The following ZNF618 variants were observed in gnomAD, a reference collection of about 807,000 sequenced individuals.
ZNF618 encodes the protein neural precursor cell expressed, developmentally down-regulated 10.
Under a neutral mutation model 103.0 loss-of-function variants are expected in ZNF618, and 34 were observed. The observed-to-expected ratio is 0.33, with a 90% confidence interval of 0.25 to 0.44. ZNF618 has a LOEUF of 0.44. Among genes scored for constraint, ZNF618 ranks in the 20% least tolerant of loss-of-function variants. The pLI, the probability that ZNF618 is intolerant of heterozygous loss-of-function variation, is 1.00. For missense variants in ZNF618, 1,059 were observed against 1,295.4 expected, an observed-to-expected ratio of 0.82 and a Z score of 2.80; for synonymous variants, 551 against 542.2, an observed-to-expected ratio of 1.02 and a Z score of -0.23.
At chr9:113,932,249 G>A (rs1365003527) in intron 1 of ZNF618, among the ~76,000 whole-genome samples, 1 of 152,172 alleles carries the variant, frequency 6.6e-6, no homozygotes, top group Non-Finnish European at 1.5e-5. Context: ...CAATTGGTGG[G>A]GAACAGCATT....
intron 1 of ZNF618, among the ~76,000 whole-genome samples, chr9:113,897,271 A>T (rs1564142205): frequency 6.6e-6 from 1 of 152,238 alleles, no homozygotes; most frequent in African/African-American, 2.4e-5. Flanking sequence ...GGATAAATAT[A>T]ACATTTTTGG....
At chr9:114,027,101 T>A (rs1216605205) in intron 10 of ZNF618, among the ~76,000 whole-genome samples, 1 of 152,088 alleles carries the variant, frequency 6.6e-6, no homozygotes. Flanking sequence ...CGGTTCATTC[T>A]GTGGGTTAAA....
At chr9:113,994,138 A>G (rs747299039) in intron 3 of ZNF618, among the ~76,000 whole-genome samples, 1 of 152,224 alleles carries the variant, frequency 6.6e-6, no homozygotes, top group Non-Finnish European at 1.5e-5. Context: ...AGGGCAGCCC[A>G]GAGAGCCAGG....
intron 1 of ZNF618, among the ~76,000 whole-genome samples, chr9:113,928,594 G>A (rs944180): frequency 0.5 from 75,534 of 151,958 alleles, 19,131 homozygotes; most frequent in Non-Finnish European, 0.55. Flanking sequence ...TTTAATGTTC[G>A]CTGTAGCTGG....
chr9:113,901,494 A>G (rs931555497), intron 1 of ZNF618, among the ~76,000 whole-genome samples: 1 of 152,216 alleles, frequency 6.6e-6, no homozygotes, highest in Non-Finnish European at 1.5e-5. Flanking sequence ...TGGCTCTAAC[A>G]AAATGCTGAC....
intron 1 of ZNF618, among the ~76,000 whole-genome samples, chr9:113,883,074 T>C (rs1430167530): frequency 1.3e-5 from 2 of 152,246 alleles, no homozygotes; most frequent in African/African-American, 4.8e-5. Flanking sequence ...TCCATAAATA[T>C]TTGATGACTT....
intron 4 of ZNF618, among the ~76,000 whole-genome samples, chr9:114,000,699 A>G (rs1035204832): frequency 2.0e-5 from 3 of 152,278 alleles, no homozygotes; most frequent in Admixed American, 2.0e-4. Flanking sequence ...CTCTGCTTCC[A>G]GGCAAGACAA....
chr9:113,987,969 G>A (rs1436771295), intron 2 of ZNF618, among the ~76,000 whole-genome samples: 1 of 152,200 alleles, frequency 6.6e-6, no homozygotes, highest in Non-Finnish European at 1.5e-5. Context: ...AGCTGGAGGT[G>A]CCCTTTTAGG....
intron 1 of ZNF618, among the ~76,000 whole-genome samples, chr9:113,945,969 C>T (rs1834992223): frequency 6.6e-6 from 1 of 152,208 alleles, no homozygotes. Flanking sequence ...CTCTGCTACT[C>T]CCAGGGACTG....
intron 1 of ZNF618, among the ~76,000 whole-genome samples, chr9:113,957,040 T>C (rs889097410): frequency 1.3e-5 from 2 of 152,158 alleles, no homozygotes; most frequent in East Asian, 1.9e-4. Flanking sequence ...CAGTGACACA[T>C]AGTATGTAAG....
At chr9:113,879,397 GTTTT>G (rs35301339) in intron 1 of ZNF618, among the ~76,000 whole-genome samples, 2 of 95,618 alleles carry the variant, frequency 2.1e-5, no homozygotes, top group African/African-American at 8.4e-5. Flanking sequence ...TTTTTTTTCT[GTTTT>G]TTTTTTTTTT....
chr9:113,922,914 C>T (rs757966682), intron 1 of ZNF618, among the ~76,000 whole-genome samples: 8 of 152,198 alleles, frequency 5.3e-5, no homozygotes, highest in Admixed American at 2.6e-4. Flanking sequence ...CTTAACAATA[C>T]GGAGTCTTCC....
In ZNF618 at chr9:114,049,372, A is replaced by G; in HGVS notation, c.2070A>G (p.Pro690=). The G allele has an allele frequency of 6.2e-7, 1 of 1,606,848 alleles. No homozygotes were observed. Among genetic ancestry groups the G allele is most frequent in the Non-Finnish European group, 8.5e-7 (1 of 1,177,094 alleles). The change falls in exon 15 of 15, where the codon CCA becomes CCG. Residue 690 remains proline, a synonymous_variant. Transcript: ENST00000374126. Reference sequence around the variant, plus strand: ...TCGGGTCGCTGGAGGAGACGTCTCCACCACCCTGCTGGAACTCGGTGACGG... The same window carrying G: ...TCGGGTCGCTGGAGGAGACGTCTCCGCCACCCTGCTGGAACTCGGTGACGG... ...ETFGSLEETS[P]PPCWNSVTDS...
intron 13 of ZNF618, among the ~76,000 whole-genome samples, chr9:114,038,007 G>C (rs778014589): frequency 6.6e-6 from 1 of 152,030 alleles, no homozygotes; most frequent in African/African-American, 2.4e-5. Flanking sequence ...CACGCTTCCC[G>C]CCCCCTGCTT....
At chr9:113,943,909 T>A (rs749095911) in intron 1 of ZNF618, among the ~76,000 whole-genome samples, 2 of 152,178 alleles carry the variant, frequency 1.3e-5, no homozygotes, top group Non-Finnish European at 2.9e-5. Flanking sequence ...CCCCTAACCT[T>A]GCTTTGCTGT....
At chr9:113,988,844 C>T (rs1839745163) in intron 3 of ZNF618, among the ~76,000 whole-genome samples, 1 of 152,222 alleles carries the variant, frequency 6.6e-6, no homozygotes. Context: ...TGCCTGGAAC[C>T]TTCCGGGGGC....
chr9:113,972,372 CTT>C (rs1838053305), intron 2 of ZNF618, among the ~76,000 whole-genome samples: 1 of 152,130 alleles, frequency 6.6e-6, no homozygotes, highest in Non-Finnish European at 1.5e-5. Context: ...TTAATGTAAT[CTT>C]TTTAACAACC....
chr9:114,007,528 C>G, intron 7 of ZNF618, 89 bp downstream of exon 7: 1 of 1,269,460 alleles, frequency 7.9e-7, no homozygotes, highest in Non-Finnish European at 1.1e-6. Flanking sequence ...CCTCCCTCCT[C>G]CCTCTTACCC....
At chr9:114,040,793 G>C (rs1255216113) in intron 13 of ZNF618, among the ~76,000 whole-genome samples, 3 of 151,678 alleles carry the variant, frequency 2.0e-5, no homozygotes, top group Non-Finnish European at 4.4e-5. Flanking sequence ...ATAAACATAC[G>C]TGTGCATGTG....
Sources: gnomAD v4.1 joint callset for allele counts (sites outside exome capture counted in the v4.1 genomes callset) on GRCh38, gnomAD v4.1.1 for gene constraint, MANE v1.5 for transcripts, NCBI Gene and HGNC (gene_info 2026-07-23, HGNC 2026-07-21) for gene names.